Variants in CCDC171 observed in about 807,000 individuals in gnomAD.
CCDC171 encodes coiled-coil domain-containing protein 171.
In CCDC171, 177 loss-of-function variants were observed where a neutral mutation model predicts 168.2. The observed-to-expected ratio is 1.05, with a 90% CI of 0.93 to 1.19. The LOEUF (loss-of-function observed/expected upper bound fraction) is 1.19. Ranked by LOEUF, CCDC171 falls within the 50% of genes most tolerant of loss-of-function variation. The pLI is 0.00. For missense variants in CCDC171, 1,991 were observed against 1,539.0 expected, an observed-to-expected ratio of 1.29 and a Z score of -4.91; for synonymous variants, 687 against 540.8, an observed-to-expected ratio of 1.27 and a Z score of -3.75.
At chr9:16,035,021 C>T (rs1833436711) in intron 6 of CCDC171, among the ~76,000 whole-genome samples, 1 of 152,198 alleles carries the variant, frequency 6.6e-6, no homozygotes, top group Non-Finnish European at 1.5e-5. Flanking sequence ...ATGGCTACCC[C>T]AAGACCTTTG....
intron 24 of CCDC171, among the ~76,000 whole-genome samples, chr9:15,891,019 T>A (rs1171955933): frequency 6.6e-6 from 1 of 152,172 alleles, no homozygotes; most frequent in East Asian, 1.9e-4. Context: ...TTTCTTCAGG[T>A]ATATTGAAAA....
At chr9:15,769,493 T>C (rs890992374) in intron 18 of CCDC171, among the ~76,000 whole-genome samples, 4 of 152,238 alleles carry the variant, frequency 2.6e-5, no homozygotes, top group Non-Finnish European at 5.9e-5. Context: ...TTTTGACAGT[T>C]CCTTCAATTA....
intron 18 of CCDC171, among the ~76,000 whole-genome samples, chr9:15,752,393 A>T (rs1294439749): frequency 6.6e-6 from 1 of 152,186 alleles, no homozygotes; most frequent in Non-Finnish European, 1.5e-5. Context: ...AAGCAATTCC[A>T]CTTACTGGTA....
chr9:16,016,090 C>T (rs376338301), intron 3 of CCDC171, among the ~76,000 whole-genome samples: 136 of 152,272 alleles, frequency 8.9e-4, no homozygotes, highest in African/African-American at 3.0e-3. Context: ...ATGTACACAT[C>T]TGTGTCCCTG....
intron 25 of CCDC171, among the ~76,000 whole-genome samples, chr9:15,931,244 A>C (rs1826464606): frequency 6.6e-6 from 1 of 151,464 alleles, no homozygotes; most frequent in African/African-American, 2.4e-5. Flanking sequence ...ATCCTTACCA[A>C]CATTTGTTTT....
At chr9:15,951,825 C>A (rs912486748) in intron 25 of CCDC171, among the ~76,000 whole-genome samples, 2 of 152,074 alleles carry the variant, frequency 1.3e-5, no homozygotes, top group East Asian at 3.8e-4. Context: ...CCTTTTTACT[C>A]TGTTCATAGT....
chr9:16,059,766 G>A (rs1322776249), intron 1 of CCDC171, among the ~76,000 whole-genome samples: 1 of 150,164 alleles, frequency 6.7e-6, no homozygotes, highest in Non-Finnish European at 1.5e-5. Context: ...CACCCGCCTC[G>A]GCCTCCCAAA....
chr9:15,678,446 T>C (rs1302809168), intron 9 of CCDC171, among the ~76,000 whole-genome samples: 3 of 152,160 alleles, frequency 2.0e-5, no homozygotes, highest in African/African-American at 7.2e-5. Flanking sequence ...GTCTCTGAGC[T>C]AATTGAACTA....
chr9:15,603,194 C>A (rs1347420513), intron 6 of CCDC171, among the ~76,000 whole-genome samples: 1 of 152,184 alleles, frequency 6.6e-6, no homozygotes, highest in Non-Finnish European at 1.5e-5. Flanking sequence ...CCGTGTTAGC[C>A]AGGATGGTTT....
At chr9:15,627,417 C>T (rs1451611816) in intron 7 of CCDC171, among the ~76,000 whole-genome samples, 2 of 152,012 alleles carry the variant, frequency 1.3e-5, no homozygotes, top group Admixed American at 6.6e-5. Context: ...GTTAGGGTGT[C>T]AATTTTAGAT....
intron 23 of CCDC171, among the ~76,000 whole-genome samples, chr9:15,863,449 T>C (rs2061645165): frequency 6.6e-6 from 1 of 152,024 alleles, no homozygotes; most frequent in African/African-American, 2.4e-5. Context: ...GCTATCATTC[T>C]CCTTCGTTTT....
intron 3 of CCDC171, among the ~76,000 whole-genome samples, chr9:15,998,701 G>A (rs1328272): frequency 0.018 from 2,727 of 152,240 alleles, 99 homozygotes; most frequent in African/African-American, 0.063. Flanking sequence ...ACCCAGGATT[G>A]TCCTTCCTGG....
intron 25 of CCDC171, among the ~76,000 whole-genome samples, chr9:15,950,690 C>T (rs764193687): frequency 2.0e-5 from 3 of 151,942 alleles, no homozygotes; most frequent in African/African-American, 4.8e-5. Context: ...TAAAGACCAT[C>T]GAGACTAGGA....
chr9:15,753,776 C>G (rs1461061434), intron 18 of CCDC171, among the ~76,000 whole-genome samples: 1 of 151,912 alleles, frequency 6.6e-6, no homozygotes, highest in Non-Finnish European at 1.5e-5. Flanking sequence ...CTAAGAAACA[C>G]GACTTTGAGA....
chr9:15,571,799 G>A (rs1289111891), intron 3 of CCDC171, 40 bp downstream of exon 3: 4 of 1,533,534 alleles, frequency 2.6e-6, no homozygotes, highest in Non-Finnish European at 3.5e-6. Flanking sequence ...TAAAAGTTGA[G>A]TTTGATTTTT....
intron 7 of CCDC171, among the ~76,000 whole-genome samples, chr9:15,631,694 A>C (rs1032837671): frequency 3.3e-5 from 5 of 152,224 alleles, no homozygotes; most frequent in Non-Finnish European, 7.3e-5. Context: ...TTCTGATACG[A>C]AAGCCGGGCA....
intron 21 of CCDC171, among the ~76,000 whole-genome samples, chr9:15,803,097 C>T (rs529636982): frequency 6.6e-6 from 1 of 151,710 alleles, no homozygotes; most frequent in East Asian, 1.9e-4. Context: ...CACTTTTTAA[C>T]AGGGTTGGTT....
chr9:15,741,639 T>G (rs2054886217), intron 16 of CCDC171, among the ~76,000 whole-genome samples: 1 of 151,944 alleles, frequency 6.6e-6, no homozygotes, highest in African/African-American at 2.4e-5. Flanking sequence ...TTAACCTTAC[T>G]GACTTTTTTT....
chr9:15,610,461 A>C (rs1204025727), intron 6 of CCDC171, among the ~76,000 whole-genome samples: 2 of 135,996 alleles, frequency 1.5e-5, no homozygotes, highest in Non-Finnish European at 3.2e-5. Flanking sequence ...AAAAAAAAAA[A>C]AAAAAAAAAA....
Sources: gnomAD v4.1 joint callset for allele counts (sites outside exome capture counted in the v4.1 genomes callset) on GRCh38, gnomAD v4.1.1 for gene constraint, MANE v1.5 for transcripts, NCBI Gene and HGNC (gene_info 2026-07-23, HGNC 2026-07-21) for gene names.